The following CYBRD1 variants were observed in gnomAD, a reference collection of about 807,000 sequenced individuals.
The protein encoded by CYBRD1 is cytochrome b reductase 1, also known as plasma membrane ascorbate-dependent reductase CYBRD1.
CYBRD1 carries 14 observed loss-of-function variants against 21.9 expected under a neutral mutation model. That is an observed-to-expected ratio of 0.64 (90% CI 0.42 to 1.00). The LOEUF (loss-of-function observed/expected upper bound fraction) is 1.00, where lower values mean the gene tolerates loss of function less well. Ranked by LOEUF, CYBRD1 falls within the 50% of genes least tolerant of loss-of-function variation. The probability of loss-of-function intolerance (pLI) is 0.00; values close to 1 mark genes in which losing one functional copy is unlikely to be tolerated. For synonymous variants in CYBRD1, 146 were observed against 136.5 expected (o/e 1.07, Z -0.48); for missense variants, 328 against 352.5 (o/e 0.93, Z 0.56).
At chr2:171,541,841 G>T in intron 2 of CYBRD1, 48 bp downstream of exon 2, 12 of 1,271,894 alleles carry the variant, frequency 9.4e-6, no homozygotes, top group African/African-American at 1.5e-5. Flanking sequence ...ACAATTCAGA[G>T]ACTGTAAATG....
intron 1 of CYBRD1, among the ~76,000 whole-genome samples, chr2:171,536,380 C>T (rs568437352): frequency 6.6e-6 from 1 of 152,248 alleles, no homozygotes; most frequent in East Asian, 1.9e-4. Context: ...TCTCTGCTCG[C>T]TGCAACCTCC....
intron 1 of CYBRD1, among the ~76,000 whole-genome samples, chr2:171,524,196 GTGTGAGAT>G (rs1697352651): frequency 1.7e-5 from 1 of 60,486 alleles, no homozygotes; most frequent in South Asian, 6.2e-4. Flanking sequence ...CGGCATCAGG[GTGTGAGAT>G]CGGCATCAGG....
At chr2:171,543,979 A>G (rs919553176) in intron 2 of CYBRD1, among the ~76,000 whole-genome samples, 6 of 152,230 alleles carry the variant, frequency 3.9e-5, no homozygotes. Context: ...TACAAGCTCA[A>G]CCTAAAAAGA....
intron 2 of CYBRD1, among the ~76,000 whole-genome samples, chr2:171,552,448 C>T (rs1226986943): frequency 6.6e-6 from 1 of 152,168 alleles, no homozygotes; most frequent in Non-Finnish European, 1.5e-5. Context: ...CCCCATTAGC[C>T]CTTGGATCTC....
intron 1 of CYBRD1, among the ~76,000 whole-genome samples, chr2:171,525,947 T>TAAAA (rs58388653): frequency 6.5e-5 from 4 of 61,978 alleles, no homozygotes; most frequent in Admixed American, 2.2e-4. Flanking sequence ...AACTCCCGTC[T>TAAAA]AAAAAAAAAA....
At chr2:171,534,268 G>A (rs376688927) in intron 1 of CYBRD1, among the ~76,000 whole-genome samples, 14 of 152,232 alleles carry the variant, frequency 9.2e-5, no homozygotes, top group African/African-American at 2.9e-4. Flanking sequence ...CCTTGTTTCC[G>A]TCACAAGTAG....
chr2:171,532,489 CT>C (rs913248337), intron 1 of CYBRD1, among the ~76,000 whole-genome samples: 4 of 152,286 alleles, frequency 2.6e-5, no homozygotes, highest in Admixed American at 1.3e-4. Context: ...TACAATTTTT[CT>C]TGAGTTTTTT....
chr2:171,553,377 C>G lies in CYBRD1; in HGVS notation c.434C>G (p.Pro145Arg). 1 of 1,613,598 alleles carries G rather than the reference C, an allele frequency of 6.2e-7. No homozygotes were observed. The highest frequency in any genetic ancestry group is 8.5e-7 in the Non-Finnish European group (1 of 1,179,718). ...TCAGGTTTTTCAGTCTTTCTGCTTC[C>G]ATGGGCTCCGCTTTCTCTCCGAGCA... ...LLSGFSVFLL[P>R]WAPLSLRAFL... The change falls in exon 3 of 4, where the codon CCA becomes CGA. Residue 145 changes from proline to arginine, a missense_variant. Physicochemically the swap from Pro to Arg is moderately radical, Grantham distance 103 (BLOSUM62 -2). Coordinates refer to ENST00000321348, the MANE Select transcript of CYBRD1 (RefSeq NM_024843.4).
At position 171,555,061 on chromosome 2, in the gene CYBRD1, A is replaced by G. The variant is rs1157502471; in HGVS notation, c.*234A>G. On this transcript the variant is annotated 3_prime_UTR_variant, in exon 4 of 4. Transcript: ENST00000321348. Reference sequence around the variant, plus strand: ...TATAAATTGTGGTTATGTTACCTTTATCTTGTTGAGGACCACAACATTAGC... The same window carrying G: ...TATAAATTGTGGTTATGTTACCTTTGTCTTGTTGAGGACCACAACATTAGC... 8 of 551,164 alleles carry G rather than the reference A, an allele frequency of 1.5e-5. No individual in the cohort carries two copies. Among genetic ancestry groups the G allele is most frequent in the Non-Finnish European group, 2.3e-5 (7 of 309,674 alleles). 34.1% of individuals were successfully genotyped at this position (551,164 alleles called of 1,614,324 possible). A position where few individuals can be genotyped will look rare whatever the true frequency, so the allele number is the denominator to read the frequency against.
intron 1 of CYBRD1, chr2:171,540,802 G>A (rs1033374737): frequency 1.3e-5 from 1 of 77,192 alleles, no homozygotes; most frequent in African/African-American, 5.8e-5. Flanking sequence ...TTCCTCTGTT[G>A]CCCAGGCTGG....
chr2:171,525,258 C>T (rs1697368082), intron 1 of CYBRD1, among the ~76,000 whole-genome samples: 1 of 152,090 alleles, frequency 6.6e-6, no homozygotes. Flanking sequence ...TCTTTAGGTT[C>T]AATTACTGTA....
At chr2:171,529,343 C>T (rs1475038566) in intron 1 of CYBRD1, among the ~76,000 whole-genome samples, 1 of 151,916 alleles carries the variant, frequency 6.6e-6, no homozygotes, top group Non-Finnish European at 1.5e-5. Context: ...ACCAGCCTGA[C>T]CAACATGGAG....
At chr2:171,535,336 G>A (rs937253417) in intron 1 of CYBRD1, among the ~76,000 whole-genome samples, 1 of 152,186 alleles carries the variant, frequency 6.6e-6, no homozygotes, top group Non-Finnish European at 1.5e-5. Flanking sequence ...GACCCCAAAT[G>A]ATCAATAAAA....
chr2:171,532,577 A>G (rs2105332918), intron 1 of CYBRD1, among the ~76,000 whole-genome samples: 1 of 152,260 alleles, frequency 6.6e-6, no homozygotes, highest in East Asian at 1.9e-4. Context: ...AGGCAGGAGA[A>G]TCACTTGAGC....
intron 1 of CYBRD1, among the ~76,000 whole-genome samples, chr2:171,531,079 CT>C (rs1697458456): frequency 6.8e-6 from 1 of 146,540 alleles, no homozygotes; most frequent in South Asian, 2.1e-4. Flanking sequence ...TCACTTGAGC[CT>C]GGGAGGTTGA....
chr2:171,541,863 T>TTTC, intron 2 of CYBRD1, 70 bp downstream of exon 2: 2 of 430,128 alleles, frequency 4.6e-6, no homozygotes, highest in Non-Finnish European at 6.5e-6. Context: ...TTTCTTTTCT[T>TTTC]TTTTTTTTTT....
chr2:171,526,395 C>T (rs13406134), intron 1 of CYBRD1, among the ~76,000 whole-genome samples: 55,387 of 151,726 alleles, frequency 0.37, 10,261 homozygotes, highest in South Asian at 0.43. Flanking sequence ...CCATTTTCTC[C>T]TCTGTGTCCC....
intron 2 of CYBRD1, 113 bp downstream of exon 2, chr2:171,541,906 C>T (rs1697640873): frequency 8.3e-6 from 8 of 964,230 alleles, no homozygotes; most frequent in East Asian, 2.6e-5. Flanking sequence ...GCTTAGCCAC[C>T]CAGGCTGGAG....
chr2:171,534,525 G>A (rs564528493), intron 1 of CYBRD1, among the ~76,000 whole-genome samples: 1 of 152,162 alleles, frequency 6.6e-6, no homozygotes, highest in Admixed American at 6.5e-5. Context: ...ATTTTAAAAA[G>A]CATGTAAACA....
Sources: allele counts gnomAD v4.1 joint callset (sites outside exome capture counted in the v4.1 genomes callset), GRCh38; gene constraint gnomAD v4.1.1; transcripts MANE v1.5; gene names NCBI Gene and HGNC (gene_info 2026-07-23, HGNC 2026-07-21).